Variants in KCNQ5 observed in about 807,000 individuals in gnomAD.
KCNQ5 encodes potassium voltage-gated channel subfamily Q member 5.
KCNQ5 carries 30 observed loss-of-function variants against 98.2 expected under a neutral mutation model. That is an observed-to-expected ratio of 0.31 (90% confidence interval 0.23 to 0.41). The LOEUF (loss-of-function observed/expected upper bound fraction) is 0.41, where lower values mean the gene tolerates loss of function less well. KCNQ5 is among the 10% of genes least tolerant of loss of function. The pLI is 1.00. For synonymous variants in KCNQ5, 458 were observed against 449.4 expected, an observed-to-expected ratio of 1.02 and a Z score of -0.24; for missense variants, 835 against 1,182.5, an observed-to-expected ratio of 0.71 and a Z score of 4.31.
intron 1 of KCNQ5, among the ~76,000 whole-genome samples, chr6:72,943,241 A>G (rs953956754): frequency 6.6e-6 from 1 of 152,196 alleles, no homozygotes; most frequent in African/African-American, 2.4e-5. Flanking sequence ...CAGAATCTGC[A>G]TAAATATATC....
At position 73,133,605 on chromosome 6, in the gene KCNQ5, C is replaced by T; in HGVS notation, c.1432C>T (p.Arg478Cys). Residue 478 changes from arginine to cysteine, a missense_variant, in exon 10 of 14, where the codon CGC becomes TGC. By Grantham distance (180) the Arg-to-Cys change is radical (BLOSUM62 -3). This residue lies in a region of KCNQ5 where 146 missense variants were observed against 256.7 expected (regional missense o/e 0.57). Transcript: ENST00000370398. The part of the protein sequence containing the change: ...NDRTRFRPSL[R>C]LKSSQPKPVI... ...CCGAACCCGCTTCCGGCCCTCGCTG[C>T]GCCTCAAAAGTTCTCAGCCAAAACC... 1.9e-6 allele frequency: 3 copies of T among 1,614,192 alleles called. No individual in the cohort carries two copies. Among genetic ancestry groups the T allele is most frequent in the Non-Finnish European group, 2.5e-6 (3 of 1,180,042 alleles).
At position 73,164,149 on chromosome 6, in the gene KCNQ5, A is replaced by G. The variant is rs1478743377; in HGVS notation, c.1469-5597A>G. Among the ~76,000 whole-genome samples, 5 of 152,216 alleles carry G rather than the reference A, an allele frequency of 3.3e-5. No individual in the cohort carries two copies. The East Asian group carries it at 5.8e-4, about 18-fold the overall frequency. Reference sequence around the variant, plus strand: ...TAACTCTTCTTTAGATCAAATAGCTATGGTAAAATCATTTTCATTATATGT... The same window carrying G: ...TAACTCTTCTTTAGATCAAATAGCTGTGGTAAAATCATTTTCATTATATGT... On this transcript the variant is annotated intron_variant, in intron 10 of 13. Coordinates refer to ENST00000370398, the MANE Select transcript of KCNQ5 (RefSeq NM_019842.4).
chr6:72,733,722 A>C (rs1221690573), intron 1 of KCNQ5, among the ~76,000 whole-genome samples: 1 of 152,224 alleles, frequency 6.6e-6, no homozygotes, highest in East Asian at 1.9e-4. Flanking sequence ...AGTGTGGCTA[A>C]GAGGCTCCTA....
At chr6:72,769,482 AC>A (rs1772747461) in intron 1 of KCNQ5, among the ~76,000 whole-genome samples, 2 of 151,882 alleles carry the variant, frequency 1.3e-5, no homozygotes, top group Admixed American at 1.3e-4. Flanking sequence ...TCTAAGCTCC[AC>A]CCCAGATCAA....
intron 3 of KCNQ5, among the ~76,000 whole-genome samples, chr6:73,067,894 AT>A (rs1562159115): frequency 0.14 from 87 of 612 alleles, no homozygotes; most frequent in African/African-American, 0.15. Context: ...ATATATATAT[AT>A]ATATATATAT....
intron 1 of KCNQ5, among the ~76,000 whole-genome samples, chr6:72,795,167 G>A (rs190749422): frequency 2.0e-5 from 3 of 152,130 alleles, no homozygotes; most frequent in African/African-American, 7.2e-5. Context: ...TTAAAAAAAG[G>A]GGGGAGTGCG....
At chr6:72,723,575 G>A (rs1287347601) in intron 1 of KCNQ5, among the ~76,000 whole-genome samples, 1 of 152,148 alleles carries the variant, frequency 6.6e-6, no homozygotes, top group African/African-American at 2.4e-5. Context: ...TGCTATGAAT[G>A]TATGCAAGAA....
At chr6:73,160,073 G>C (rs1777552900) in intron 10 of KCNQ5, among the ~76,000 whole-genome samples, 1 of 152,112 alleles carries the variant, frequency 6.6e-6, no homozygotes, top group Non-Finnish European at 1.5e-5. Context: ...GAGTGCACTG[G>C]CGCGATCTCG....
chr6:73,055,541 T>A, intron 3 of KCNQ5: 1 of 1,478,232 alleles, frequency 6.8e-7, no homozygotes, highest in Non-Finnish European at 9.4e-7. Flanking sequence ...TCACCTACCC[T>A]CCTGTGAGAG....
chr6:73,007,447 G>T (rs961738488), intron 2 of KCNQ5, among the ~76,000 whole-genome samples: 1 of 152,172 alleles, frequency 6.6e-6, no homozygotes, highest in South Asian at 2.1e-4. Context: ...GACAGAGTAG[G>T]AATCACCAGG....
At chr6:72,943,779 AT>A (rs1766416487) in intron 1 of KCNQ5, among the ~76,000 whole-genome samples, 1 of 152,204 alleles carries the variant, frequency 6.6e-6, no homozygotes, top group African/African-American at 2.4e-5. Flanking sequence ...TAAAATGGGA[AT>A]GATATTAGTA....
intron 1 of KCNQ5, among the ~76,000 whole-genome samples, chr6:72,723,763 A>G (rs1414871870): frequency 6.6e-6 from 1 of 152,090 alleles, no homozygotes; most frequent in East Asian, 1.9e-4. Flanking sequence ...CAAATTTTTC[A>G]AAATTTTGGA....
At chr6:73,087,694 T>C (rs1375370600) in intron 5 of KCNQ5, among the ~76,000 whole-genome samples, 2 of 152,108 alleles carry the variant, frequency 1.3e-5, no homozygotes, top group Non-Finnish European at 2.9e-5. Context: ...AAAAATCCAG[T>C]GTCCAAAGGT....
At chr6:72,835,648 T>C (rs1394685029) in intron 1 of KCNQ5, among the ~76,000 whole-genome samples, 1 of 152,204 alleles carries the variant, frequency 6.6e-6, no homozygotes, top group Non-Finnish European at 1.5e-5. Flanking sequence ...CCTCATTTTA[T>C]CTTTGCAACA....
chr6:72,743,124 T>C (rs1313235962), intron 1 of KCNQ5, among the ~76,000 whole-genome samples: 1 of 152,190 alleles, frequency 6.6e-6, no homozygotes, highest in East Asian at 1.9e-4. Context: ...AGGTGTATTT[T>C]GAGCTAAAAT....
chr6:73,154,076 C>A (rs1562209614), intron 10 of KCNQ5, among the ~76,000 whole-genome samples: 1 of 151,268 alleles, frequency 6.6e-6, no homozygotes, highest in Admixed American at 6.6e-5. Context: ...TACCTAGAGG[C>A]TTTTTTTTCA....
chr6:72,657,596 C>T (rs1202170898), intron 1 of KCNQ5, among the ~76,000 whole-genome samples: 1 of 152,216 alleles, frequency 6.6e-6, no homozygotes, highest in Non-Finnish European at 1.5e-5. Flanking sequence ...TGTTCACCTG[C>T]AGTGGTTCCT....
intron 7 of KCNQ5, among the ~76,000 whole-genome samples, chr6:73,114,823 A>T (rs1775417561): frequency 6.6e-6 from 1 of 152,184 alleles, no homozygotes; most frequent in South Asian, 2.1e-4. Context: ...GTTGGTAGGG[A>T]TAGATTAGAA....
At chr6:73,063,194 T>C (rs1160586874) in intron 3 of KCNQ5, among the ~76,000 whole-genome samples, 1 of 152,204 alleles carries the variant, frequency 6.6e-6, no homozygotes, top group African/African-American at 2.4e-5. Flanking sequence ...CTTGTTTTTG[T>C]TCTCCTTTAA....
Sources: gnomAD v4.1 joint callset for allele counts (sites outside exome capture counted in the v4.1 genomes callset) on GRCh38, gnomAD v4.1.1 for gene constraint, gnomAD v4.1.1 regional missense constraint, MANE v1.5 for transcripts, NCBI Gene and HGNC (gene_info 2026-07-23, HGNC 2026-07-21) for gene names.